GRM7: variants seen among roughly 807,000 people sequenced by gnomAD.
GRM7 encodes the protein metabotropic glutamate receptor 7.
In GRM7, 35 loss-of-function variants were observed where a neutral mutation model predicts 84.5. That is an observed-to-expected ratio of 0.41 (90% confidence interval 0.32 to 0.55). GRM7 has a LOEUF of 0.55. GRM7 is among the 20% of genes least tolerant of loss of function. The probability of loss-of-function intolerance (pLI) is 0.19; values close to 1 mark genes in which losing one functional copy is unlikely to be tolerated. For missense variants in GRM7, 1,003 were observed against 1,194.6 expected, an observed-to-expected ratio of 0.84 and a Z score of 2.36; for synonymous variants, 487 against 455.1, an observed-to-expected ratio of 1.07 and a Z score of -0.89.
rs114722407 is a variant in GRM7 at position 7,288,390 on chromosome 3, G to A, written c.737-10294G>A. Among the ~76,000 whole-genome samples the A allele has an allele frequency of 4.3e-3, 650 of 152,250 alleles. 6 individuals carry two copies. The highest frequency in any genetic ancestry group is 0.015 in the African/African-American group (611 of 41,552). ...ATAGGAATGTGATGCAGGAAAGAGC[G>A]AGGGGTAGGAAGTGAAGGAAATCAT... On this transcript the variant is annotated intron_variant, in intron 2 of 9. Transcript: ENST00000357716.
chr3:7,588,116 T>C (rs1695606913), intron 8 of GRM7, among the ~76,000 whole-genome samples: 2 of 151,898 alleles, frequency 1.3e-5, no homozygotes, highest in Non-Finnish European at 2.9e-5. Context: ...GAATTGTTGT[T>C]GAAGAGTATC....
rs569730610 is a variant in GRM7 at position 7,568,617 on chromosome 3, C to A, written c.1516-9805C>A. ...GTGGAGGGAGAGGCGCAAGCGGGAA[C>A]CGGGGCTGCCCCCGGCGCTTGCGGG... is the stretch of plus-strand genomic sequence containing the variant. On this transcript the variant is annotated intron_variant, in intron 7 of 9. Transcript: ENST00000357716. 4.5e-4 allele frequency among the ~76,000 whole-genome samples: 68 copies of A among 152,330 alleles called. No homozygotes were observed. The South Asian group carries it at 0.01, about 23-fold the overall frequency.
chr3:7,727,146 C>T (rs1575674616), intron 9 of GRM7, among the ~76,000 whole-genome samples: 1 of 152,024 alleles, frequency 6.6e-6, no homozygotes, highest in South Asian at 2.1e-4. Flanking sequence ...TTCTATGTTG[C>T]TCCATAATCT....
At chr3:7,019,623 G>T (rs1695702525) in intron 1 of GRM7, among the ~76,000 whole-genome samples, 1 of 152,178 alleles carries the variant, frequency 6.6e-6, no homozygotes, top group Non-Finnish European at 1.5e-5. Flanking sequence ...ATGGAAAGTG[G>T]TGTAACAACT....
At chr3:7,005,130 A>T (rs1230471336) in intron 1 of GRM7, among the ~76,000 whole-genome samples, 1 of 152,198 alleles carries the variant, frequency 6.6e-6, no homozygotes, top group Non-Finnish European at 1.5e-5. Context: ...GTCTTCGAAC[A>T]AGTCACGCGT....
At chr3:7,516,841 G>C (rs1477489053) in intron 7 of GRM7, among the ~76,000 whole-genome samples, 1 of 152,154 alleles carries the variant, frequency 6.6e-6, no homozygotes, top group East Asian at 1.9e-4. Context: ...AGTTTAATCA[G>C]GCCTGTCAGA....
chr3:7,338,331 C>CTGGG (rs1701505014), intron 4 of GRM7, among the ~76,000 whole-genome samples: 1 of 151,704 alleles, frequency 6.6e-6, no homozygotes, highest in Non-Finnish European at 1.5e-5. Flanking sequence ...ATAATGGACT[C>CTGGG]TGGGGACTTG....
intron 4 of GRM7, among the ~76,000 whole-genome samples, chr3:7,359,920 T>C (rs1209256479): frequency 1.3e-5 from 2 of 148,462 alleles, no homozygotes; most frequent in Non-Finnish European, 3.0e-5. Flanking sequence ...TTCTAATTAC[T>C]GAGAAGCAAA....
chr3:7,598,761 C>G (rs1696169171), intron 8 of GRM7, among the ~76,000 whole-genome samples: 2 of 152,058 alleles, frequency 1.3e-5, no homozygotes, highest in African/African-American at 2.4e-5. Flanking sequence ...CTTGACAGCA[C>G]AGAAGGGCTT....
chr3:6,910,057 T>C (rs186601078), intron 1 of GRM7, among the ~76,000 whole-genome samples: 150 of 152,100 alleles, frequency 9.9e-4, no homozygotes, highest in Middle Eastern at 3.4e-3. Flanking sequence ...AGCTTCCTCA[T>C]TGGGGAGTTG....
At chr3:7,110,536 A>C (rs1251332683) in intron 1 of GRM7, among the ~76,000 whole-genome samples, 1 of 151,884 alleles carries the variant, frequency 6.6e-6, no homozygotes, top group Non-Finnish European at 1.5e-5. Flanking sequence ...TGGAGATTGC[A>C]GTGAGCCAAG....
chr3:7,652,738 A>G (rs1310731106), intron 8 of GRM7, among the ~76,000 whole-genome samples: 1 of 152,232 alleles, frequency 6.6e-6, no homozygotes, highest in Non-Finnish European at 1.5e-5. Context: ...AGCAAAACCC[A>G]TTTCAGTAAA....
chr3:7,189,378 A>T (rs945746120), intron 2 of GRM7, among the ~76,000 whole-genome samples: 1 of 152,114 alleles, frequency 6.6e-6, no homozygotes, highest in Non-Finnish European at 1.5e-5. Flanking sequence ...ATCCTTTCCA[A>T]TGAATGTGCT....
At chr3:7,736,071 A>T (rs1702489129) in intron 9 of GRM7, among the ~76,000 whole-genome samples, 3 of 152,070 alleles carry the variant, frequency 2.0e-5, no homozygotes, top group Admixed American at 2.0e-4. Context: ...TTTCTTTTGT[A>T]ATGGTACAGG....
At chr3:6,925,724 C>T (rs1024528203) in intron 1 of GRM7, among the ~76,000 whole-genome samples, 2 of 152,284 alleles carry the variant, frequency 1.3e-5, no homozygotes, top group East Asian at 3.9e-4. Context: ...GCTATAGCTG[C>T]TATGAAGTCC....
intron 2 of GRM7, among the ~76,000 whole-genome samples, chr3:7,298,277 C>T (rs1350942181): frequency 6.6e-6 from 1 of 152,072 alleles, no homozygotes; most frequent in Non-Finnish European, 1.5e-5. Flanking sequence ...ACAAAAGTAA[C>T]AGAGATACAC....
chr3:7,213,796 G>T (rs1301474596), intron 2 of GRM7, among the ~76,000 whole-genome samples: 1 of 152,082 alleles, frequency 6.6e-6, no homozygotes, highest in Non-Finnish European at 1.5e-5. Flanking sequence ...GCTTTGGACA[G>T]GGGCAATTCT....
intron 4 of GRM7, among the ~76,000 whole-genome samples, chr3:7,323,806 C>T (rs764496874): frequency 1.3e-4 from 20 of 152,046 alleles, no homozygotes; most frequent in Non-Finnish European, 2.9e-4. Flanking sequence ...TTCTAGTGGG[C>T]ACTTATAATA....
intron 9 of GRM7, chr3:7,686,511 G>A: frequency 1.3e-6 from 1 of 744,982 alleles, no homozygotes; most frequent in Non-Finnish European, 2.4e-6. Flanking sequence ...AATTAGAAAT[G>A]TTTCCATGGA....
Sources: gnomAD v4.1 joint callset for allele counts (sites outside exome capture counted in the v4.1 genomes callset) on GRCh38, gnomAD v4.1.1 for gene constraint, MANE v1.5 for transcripts, NCBI Gene and HGNC (gene_info 2026-07-23, HGNC 2026-07-21) for gene names.